Variants in ABCB4 observed in about 807,000 individuals in gnomAD.
The protein encoded by ABCB4 is ATP binding cassette subfamily B member 4, also known as phosphatidylcholine translocator ABCB4.
Under a neutral mutation model 145.7 loss-of-function variants are expected in ABCB4, and 76 were observed. The ratio of observed to expected loss-of-function variants is 0.52; its 90% CI spans 0.43 to 0.63. The LOEUF is 0.63. Among genes scored for constraint, ABCB4 ranks in the 30% least tolerant of loss-of-function variants. The pLI is 0.00. For missense variants in ABCB4, 1,234 were observed against 1,553.1 expected (o/e 0.79, Z 3.45); for synonymous variants, 517 against 566.8 (o/e 0.91, Z 1.25).
chr7:87,409,096 T>A, intron 24 of ABCB4, 140 bp downstream of exon 24: 1 of 1,050,162 alleles, frequency 9.5e-7, no homozygotes, highest in Non-Finnish European at 1.4e-6. Context: ...GTTGCCCAAA[T>A]ATTAGCTATA....
intron 9 of ABCB4, among the ~76,000 whole-genome samples, chr7:87,446,045 T>C (rs563463819): frequency 6.6e-6 from 1 of 152,176 alleles, no homozygotes; most frequent in South Asian, 2.1e-4. Flanking sequence ...GAAGAAAGGG[T>C]AGCAAGCTTC....
rs45458995 is a variant in ABCB4, at chr7:87,412,241, A to G, written c.2784-208T>C. Among the ~76,000 whole-genome samples the G allele has an allele frequency of 0.016, 2,383 of 152,306 alleles. 71 individuals carry two copies. Among genetic ancestry groups the G allele is most frequent in the African/African-American group, 0.054 (2,248 of 41,554 alleles). Reference sequence around the variant, plus strand: ...AATTGTTTTGACAAAAACCATATAAATGTCTAGCACAGTGCCTAGTTCATA... The same window carrying G: ...AATTGTTTTGACAAAAACCATATAAGTGTCTAGCACAGTGCCTAGTTCATA... On this transcript the variant is annotated intron_variant, in intron 22 of 27. Transcript: ENST00000649586.
chr7:87,385,215 T>C, the ABCB4 span, among the ~76,000 whole-genome samples: 1 of 152,132 alleles, frequency 6.6e-6, no homozygotes, highest in Non-Finnish European at 1.5e-5. Context: ...GATTTTTTTT[T>C]CCTATTTTTG....
intron 15 of ABCB4, among the ~76,000 whole-genome samples, chr7:87,430,467 G>A (rs1810138577): frequency 6.6e-6 from 1 of 152,122 alleles, no homozygotes; most frequent in African/African-American, 2.4e-5. Context: ...TTAATAATAT[G>A]AAAAACCAAT....
rs1015454931 is a variant in ABCB4, at chr7:87,450,533, C to T, written c.709-441G>A. Among the ~76,000 whole-genome samples the T allele has an allele frequency of 3.4e-5, 5 of 146,796 alleles. No individual in the cohort carries two copies. In the East Asian group the frequency reaches 8.0e-4, roughly 23 times the overall value. ...TTGCCCAGACTGGAGTGCAGTGGCA[C>T]GATCTCGGCTCACTGTAACCTCTGC... On this transcript the variant is annotated intron_variant, in intron 7 of 27. Transcript: ENST00000649586.
Position 87,409,211 on chromosome 7 carries a change from C to T in ABCB4, c.3081+25G>A, listed in dbSNP as rs1274625532. 12 of 1,613,588 alleles carry T rather than the reference C, an allele frequency of 7.4e-6. 1 individual carries two copies. Among genetic ancestry groups the T allele is most frequent in the Non-Finnish European group, 7.6e-6 (9 of 1,179,858 alleles). On this transcript the variant is annotated intron_variant, in intron 24 of 27. Transcript: ENST00000649586. ...AAACCTTAGGGAAAAATTGATCAAG[C>T]ATCATCAGGCATCAGAGAACTTACA...
intron 15 of ABCB4, among the ~76,000 whole-genome samples, chr7:87,428,271 G>A (rs920997440): frequency 2.0e-5 from 3 of 152,128 alleles, no homozygotes; most frequent in African/African-American, 7.2e-5. Flanking sequence ...CTCAGTTGGT[G>A]TTGGGTGCTT....
At chr7:87,385,656 GA>G in the ABCB4 span, among the ~76,000 whole-genome samples, 2 of 152,074 alleles carry the variant, frequency 1.3e-5, no homozygotes, top group East Asian at 3.9e-4. Flanking sequence ...TTTGCAATTT[GA>G]GTGCTCTTTA....
the ABCB4 span, among the ~76,000 whole-genome samples, chr7:87,370,907 T>A: frequency 6.6e-6 from 1 of 152,204 alleles, no homozygotes; most frequent in Non-Finnish European, 1.5e-5. Flanking sequence ...ATGCCAGTTT[T>A]CCAAAGTAGT....
chr7:87,431,062 G>A (rs922956111), intron 15 of ABCB4, among the ~76,000 whole-genome samples: 1 of 152,162 alleles, frequency 6.6e-6, no homozygotes, highest in Admixed American at 6.5e-5. Context: ...ATAACTCAGA[G>A]CCGGGGCTCC....
intron 22 of ABCB4, 43 bp downstream of exon 22, chr7:87,413,574 A>C: frequency 8.2e-7 from 1 of 1,214,842 alleles, no homozygotes; most frequent in Non-Finnish European, 1.2e-6. Context: ...ATTCAGCCTT[A>C]GGAAAGCACT....
intron 22 of ABCB4, 116 bp from the exon 23 acceptor site, chr7:87,412,149 A>G: frequency 9.6e-7 from 1 of 1,041,994 alleles, no homozygotes; most frequent in Non-Finnish European, 1.5e-6. Context: ...ACCTCCAGTT[A>G]TATTAGTTTG....
chr7:87,437,023 A>T (rs1364467190), intron 14 of ABCB4, among the ~76,000 whole-genome samples: 1 of 152,334 alleles, frequency 6.6e-6, no homozygotes, highest in East Asian at 1.9e-4. Flanking sequence ...TCTGAGGAAG[A>T]GGTGACCTTC....
Position 87,408,057 on chromosome 7 carries a change from C to T in ABCB4, c.3259G>A (p.Asp1087Asn), listed in dbSNP as rs55690313. The T allele has an allele frequency of 7.4e-6, 12 of 1,613,910 alleles. No individual in the cohort carries two copies. The highest frequency in any genetic ancestry group is 1.7e-5 in the Admixed American group (1 of 60,010). ...TVVQLLERFY[D>N]PLAGTVLLDG... ...CTCACCACTGTCCCCGCCAAGGGGT[C>T]GTAGAACCGCTCCAGGAGCTGGACC... Residue 1087 changes from aspartate (D) to asparagine (N), a missense_variant, in exon 25 of 28, where the codon GAC becomes AAC. This residue lies in a region of ABCB4 where 301 missense variants were observed against 389.0 expected (regional missense o/e 0.77). Transcript: ENST00000649586.
chr7:87,369,872 A>G, the ABCB4 span, among the ~76,000 whole-genome samples: 1 of 139,768 alleles, frequency 7.2e-6, no homozygotes, highest in Non-Finnish European at 1.5e-5. Flanking sequence ...TATGGTATAC[A>G]TCTTCTATGT....
chr7:87,377,359 C>A, the ABCB4 span: 16 of 1,595,624 alleles, frequency 1.0e-5, no homozygotes, highest in Non-Finnish European at 1.4e-5. Flanking sequence ...ATTATTGCAG[C>A]CATCCTTATT....
In ABCB4 at chr7:87,407,524, A is replaced by T. The variant is rs186229717; in HGVS notation, c.3279+513T>A. On this transcript the variant is annotated intron_variant, in intron 25 of 27. Coordinates refer to ENST00000649586, the MANE Select transcript of ABCB4 (RefSeq NM_000443.4). ...GCATTATCAGTAAGAGTTGGTCTTC[A>T]CTCAAGGAAGAGAGCCACGGGGCTA... is the stretch of plus-strand genomic sequence containing the variant. Among the ~76,000 whole-genome samples, 11 of 152,342 alleles carry T rather than the reference A, an allele frequency of 7.2e-5. No homozygotes were observed. The East Asian group carries it at 2.1e-3, about 29-fold the overall frequency.
chr7:87,377,438 CT>C, the ABCB4 span: 2 of 1,600,798 alleles, frequency 1.2e-6, no homozygotes, highest in African/African-American at 2.7e-5. Flanking sequence ...GAGTATTTGG[CT>C]GTAATTGTGA....
At chr7:87,453,207 T>G (rs960654776) in intron 5 of ABCB4, 72 bp from the exon 6 acceptor site, 11 of 1,453,450 alleles carry the variant, frequency 7.6e-6, no homozygotes, top group Middle Eastern at 1.8e-4. Context: ...TTTCTGAAAC[T>G]GAGTCTCACT....
Sources: gnomAD v4.1 joint callset for allele counts (sites outside exome capture counted in the v4.1 genomes callset) on GRCh38, gnomAD v4.1.1 for gene constraint, gnomAD v4.1.1 regional missense constraint, MANE v1.5 for transcripts, NCBI Gene and HGNC (gene_info 2026-07-23, HGNC 2026-07-21) for gene names.